Variants in GABRA3 observed in about 807,000 individuals in gnomAD.
GABRA3 encodes gamma-aminobutyric acid type A receptor subunit alpha3, also known as gamma-aminobutyric acid receptor subunit alpha-3.
Under a neutral mutation model 30.1 loss-of-function variants are expected in GABRA3, and 10 were observed. That is an observed-to-expected ratio of 0.33 (90% CI 0.20 to 0.56). The LOEUF (loss-of-function observed/expected upper bound fraction) is 0.56, where lower values mean the gene tolerates loss of function less well. GABRA3 is among the 20% of genes least tolerant of loss of function. The probability of loss-of-function intolerance (pLI) is 0.89; values close to 1 mark genes in which losing one functional copy is unlikely to be tolerated. For synonymous variants in GABRA3, 151 were observed against 146.8 expected, an observed-to-expected ratio of 1.03 and a Z score of -0.21; for missense variants, 233 against 392.0, an observed-to-expected ratio of 0.59 and a Z score of 3.42.
intron 1 of GABRA3, among the ~76,000 whole-genome samples, chrX:152,402,938 T>G (rs1332544168): frequency 1.8e-5 from 2 of 111,611 alleles, no homozygotes; most frequent in Non-Finnish European, 3.8e-5. Context: ...CCAAAGAGAG[T>G]ATAAAATTGA....
intron 4 of GABRA3, 26 bp from the exon 5 acceptor site, chrX:152,256,024 T>A (rs778450840): frequency 1.2e-5 from 13 of 1,102,618 alleles, no homozygotes; most frequent in Non-Finnish European, 1.6e-5. Context: ...GAGAAAACAA[T>A]GTTTCAGTTG....
intron 4 of GABRA3, among the ~76,000 whole-genome samples, chrX:152,280,505 T>C (rs1471540290): frequency 1.8e-5 from 2 of 111,238 alleles, no homozygotes; most frequent in Non-Finnish European, 3.8e-5. Flanking sequence ...CTCCTTTTAA[T>C]TAACACAATT....
intron 6 of GABRA3, among the ~76,000 whole-genome samples, chrX:152,221,740 A>C (rs1398308533): frequency 2.7e-5 from 3 of 111,794 alleles, no homozygotes; most frequent in Admixed American, 1.9e-4. Context: ...TTTTAAGTTC[A>C]GGGGTACATA....
chrX:152,218,477 T>C (rs1018193894), intron 6 of GABRA3, among the ~76,000 whole-genome samples: 6 of 111,213 alleles, frequency 5.4e-5, no homozygotes, highest in Admixed American at 9.6e-5. Flanking sequence ...TTATGTCTAA[T>C]TGGTTTATAG....
chrX:152,244,989 T>G (rs1938439742), intron 5 of GABRA3, among the ~76,000 whole-genome samples: 1 of 111,216 alleles, frequency 9.0e-6, no homozygotes, highest in African/African-American at 3.3e-5. Context: ...TAAATAAGGT[T>G]AGAGAAAAAA....
At chrX:152,193,413 A>G (rs1249142549) in intron 8 of GABRA3, among the ~76,000 whole-genome samples, 1 of 111,569 alleles carries the variant, frequency 9.0e-6, no homozygotes, top group Non-Finnish European at 1.9e-5. Flanking sequence ...GATATTACCT[A>G]ATTTGTTTAT....
chrX:152,248,789 A>G (rs746637957), intron 5 of GABRA3, among the ~76,000 whole-genome samples: 5 of 111,808 alleles, frequency 4.5e-5, no homozygotes, highest in Non-Finnish European at 9.4e-5. Flanking sequence ...ATGACGATAT[A>G]TTGCATTCTT....
chrX:152,330,068 CA>C (rs1197761565), intron 3 of GABRA3, among the ~76,000 whole-genome samples: 7 of 111,924 alleles, frequency 6.3e-5, no homozygotes, highest in African/African-American at 2.3e-4. Flanking sequence ...CAAAAGAATA[CA>C]TTAATACAAC....
At chrX:152,325,858 G>A (rs1031061755) in intron 3 of GABRA3, among the ~76,000 whole-genome samples, 7 of 111,722 alleles carry the variant, frequency 6.3e-5, no homozygotes, top group African/African-American at 9.8e-5. Flanking sequence ...TGACTTTGAC[G>A]AGTTGAGAGA....
chrX:152,228,643 T>C (rs1209016154), intron 5 of GABRA3, among the ~76,000 whole-genome samples: 1 of 111,852 alleles, frequency 8.9e-6, no homozygotes, highest in Non-Finnish European at 1.9e-5. Context: ...TTCAGTGAAA[T>C]ACGTTTCTCT....
At chrX:152,299,896 G>A (rs1378257853) in intron 3 of GABRA3, among the ~76,000 whole-genome samples, 1 of 111,606 alleles carries the variant, frequency 9.0e-6, no homozygotes. Context: ...GACACAAAGG[G>A]GGACTGTGAC....
chrX:152,229,424 C>T (rs1360725196), intron 5 of GABRA3, among the ~76,000 whole-genome samples: 2 of 110,989 alleles, frequency 1.8e-5, no homozygotes, highest in Non-Finnish European at 3.8e-5. Flanking sequence ...TTATGACTCT[C>T]ATTTTACCAT....
At chrX:152,274,808 C>T (rs774637114) in intron 4 of GABRA3, among the ~76,000 whole-genome samples, 1 of 108,236 alleles carries the variant, frequency 9.2e-6, no homozygotes, top group African/African-American at 3.4e-5. Flanking sequence ...GATAAGAGCA[C>T]AAATCAGTGA....
At chrX:152,220,042 T>C (rs1310823336) in intron 6 of GABRA3, among the ~76,000 whole-genome samples, 1 of 111,701 alleles carries the variant, frequency 9.0e-6, no homozygotes, top group Non-Finnish European at 1.9e-5. Flanking sequence ...TACCACTCTT[T>C]CTGAATACTT....
intron 3 of GABRA3, among the ~76,000 whole-genome samples, chrX:152,311,230 C>T (rs898473560): frequency 9.0e-6 from 1 of 111,103 alleles, no homozygotes; most frequent in African/African-American, 3.3e-5. Flanking sequence ...CATTCTGATA[C>T]CAAAACCTGG....
intron 6 of GABRA3, among the ~76,000 whole-genome samples, chrX:152,214,343 G>A (rs1937677321): frequency 9.0e-6 from 1 of 111,287 alleles, no homozygotes; most frequent in Admixed American, 9.5e-5. Context: ...ATCCACTGAT[G>A]GACATTTAGG....
intron 2 of GABRA3, among the ~76,000 whole-genome samples, chrX:152,353,275 A>AAG (rs1940504557): frequency 8.9e-6 from 1 of 112,004 alleles, no homozygotes; most frequent in Admixed American, 9.5e-5. Flanking sequence ...CTTCACAAAA[A>AAG]AGAGAAATAT....
chrX:152,171,688 T>C (rs1603195200), intron 9 of GABRA3, among the ~76,000 whole-genome samples: 1 of 111,695 alleles, frequency 9.0e-6, no homozygotes, highest in Admixed American at 9.6e-5. Flanking sequence ...ATGTGATTTA[T>C]TGTTTGTTTC....
chrX:152,287,990 A>G (rs1419773771), intron 3 of GABRA3, among the ~76,000 whole-genome samples: 2 of 111,272 alleles, frequency 1.8e-5, no homozygotes, highest in Non-Finnish European at 1.9e-5. Flanking sequence ...TTAACAATCA[A>G]TGGTTGCCTT....
Sources: allele counts gnomAD v4.1 joint callset (sites outside exome capture counted in the v4.1 genomes callset), GRCh38; gene constraint gnomAD v4.1.1; transcripts MANE v1.5; gene names NCBI Gene and HGNC (gene_info 2026-07-23, HGNC 2026-07-21).